AJAP1: variants seen among roughly 807,000 people sequenced by gnomAD.
AJAP1 encodes the protein adherens junctions associated protein 1, also known as adherens junction-associated protein 1.
In AJAP1, 5 loss-of-function variants were observed where a neutral mutation model predicts 35.0. The observed-to-expected ratio is 0.14, with a 90% CI of 0.07 to 0.30. The LOEUF (loss-of-function observed/expected upper bound fraction) is 0.30. Among genes scored for constraint, AJAP1 ranks in the 10% least tolerant of loss-of-function variants. AJAP1 has a pLI of 1.00. For synonymous variants in AJAP1, 284 were observed against 249.3 expected, an observed-to-expected ratio of 1.14 and a Z score of -1.31; for missense variants, 586 against 571.0, an observed-to-expected ratio of 1.03 and a Z score of -0.27.
chr1:4,663,952 C>T (rs1639059746), intron 1 of AJAP1, among the ~76,000 whole-genome samples: 1 of 152,136 alleles, frequency 6.6e-6, no homozygotes, highest in Admixed American at 6.5e-5. Flanking sequence ...CAGGTTCTTT[C>T]TCATAAACAC....
chr1:4,749,655 GTGCACAGAGGGA>G (rs1641277264), intron 2 of AJAP1, among the ~76,000 whole-genome samples: 1 of 152,254 alleles, frequency 6.6e-6, no homozygotes, highest in Non-Finnish European at 1.5e-5. Flanking sequence ...ACCGGGAGCT[GTGCACAGAGGGA>G]CACAGTGACC....
At chr1:4,714,546 G>A (rs542461938) in intron 2 of AJAP1, among the ~76,000 whole-genome samples, 14 of 152,306 alleles carry the variant, frequency 9.2e-5, no homozygotes, top group Admixed American at 2.6e-4. Flanking sequence ...CCGGGACAGC[G>A]TTGTAGGCTT....
At chr1:4,660,481 A>T (rs1638978145) in intron 1 of AJAP1, among the ~76,000 whole-genome samples, 1 of 151,446 alleles carries the variant, frequency 6.6e-6, no homozygotes, top group Non-Finnish European at 1.5e-5. Context: ...AATCTCGGTG[A>T]GGGGTACACA....
At chr1:4,711,837 C>T (rs1048762844) in intron 1 of AJAP1, 63 bp from the exon 2 acceptor site, 84 of 1,327,366 alleles carry the variant, frequency 6.3e-5, no homozygotes, top group Non-Finnish European at 8.0e-5. Context: ...GAGAGGGCCC[C>T]GGGGCCCAGT....
rs186852749 is a variant in AJAP1, at chr1:4,713,971, C to T, written c.829+1272C>T. On this transcript the variant is annotated intron_variant, in intron 2 of 5. Transcript: ENST00000378191. ...GGCCCTCTGCGTCCTCACTAGACTG[C>T]GTCCTGGCCCTGGTTCCTCCTCATC... Among the ~76,000 whole-genome samples, 5 of 152,320 alleles carry T rather than the reference C, an allele frequency of 3.3e-5. No individual in the cohort carries two copies. In the East Asian group the frequency reaches 9.7e-4, roughly 29 times the overall value.
chr1:4,738,229 A>G (rs1159140221), intron 2 of AJAP1, among the ~76,000 whole-genome samples: 2 of 152,248 alleles, frequency 1.3e-5, no homozygotes, highest in African/African-American at 4.8e-5. Flanking sequence ...GATCAACACA[A>G]CAGGGGCCCT....
chr1:4,781,747 C>T (rs1456438281), intron 5 of AJAP1, among the ~76,000 whole-genome samples: 1 of 152,224 alleles, frequency 6.6e-6, no homozygotes, highest in Non-Finnish European at 1.5e-5. Flanking sequence ...CCAGATGGGA[C>T]CGTGACGTGT....
intron 2 of AJAP1, among the ~76,000 whole-genome samples, chr1:4,765,430 C>A (rs1280661788): frequency 5.3e-5 from 8 of 151,408 alleles, no homozygotes; most frequent in Admixed American, 5.3e-4. Context: ...TAATAGCCAC[C>A]AGAGACTTGA....
chr1:4,758,256 C>T (rs992064269), intron 2 of AJAP1, among the ~76,000 whole-genome samples: 1 of 152,102 alleles, frequency 6.6e-6, no homozygotes, highest in African/African-American at 2.4e-5. Flanking sequence ...AATCATGTCT[C>T]CTTGGGAGAC....
intron 2 of AJAP1, among the ~76,000 whole-genome samples, chr1:4,764,377 T>A (rs905090067): frequency 1.3e-5 from 2 of 152,184 alleles, no homozygotes; most frequent in African/African-American, 4.8e-5. Flanking sequence ...GGTGAGCAAC[T>A]GACTCAGACG....
rs546971055 is a variant in AJAP1 at position 4,712,389 on chromosome 1, G to T, written c.519G>T (p.Arg173=). ...GLSSFDSRGS[R]PTTETEFIAW... is the part of the protein sequence containing the mutation. ...GCAGCTTCGACTCCAGAGGCAGCCG[G>T]CCCACCACAGAGACTGAGTTCATCG... The change falls in exon 2 of 6, where the codon CGG becomes CGT. Residue 173 remains arginine, a synonymous_variant. Coordinates refer to ENST00000378191, the MANE Select transcript of AJAP1 (RefSeq NM_018836.4). 3.2e-6 allele frequency: 5 copies of T among 1,562,892 alleles called. No homozygotes were observed. In the East Asian group the frequency reaches 7.0e-5, roughly 22 times the overall value.
rs563772883 is a variant in AJAP1 at position 4,730,742 on chromosome 1, G to A, written c.829+18043G>A. 1.1e-4 allele frequency among the ~76,000 whole-genome samples: 16 copies of A among 152,214 alleles called. No homozygotes were observed. In the East Asian group the frequency reaches 2.9e-3, roughly 28 times the overall value. ...TTGAGCCACATCTGGGCCCTGCCTG[G>A]GCCAGCATTTCTTGAGCTGTGAGTG... On this transcript the variant is annotated intron_variant, in intron 2 of 5. Transcript: ENST00000378191.
intron 1 of AJAP1, among the ~76,000 whole-genome samples, chr1:4,669,414 A>G (rs1639203430): frequency 6.6e-6 from 1 of 152,198 alleles, no homozygotes; most frequent in Admixed American, 6.5e-5. Context: ...CAAACTTACA[A>G]TCATGGCAGA....
rs191829924 is a variant in AJAP1, at chr1:4,667,564, G to A, written c.29+12110G>A. Among the ~76,000 whole-genome samples the A allele has an allele frequency of 4.1e-3, 624 of 152,306 alleles. 3 individuals are homozygous for A. The highest frequency in any genetic ancestry group is 0.014 in the African/African-American group (601 of 41,562). On this transcript the variant is annotated intron_variant, in intron 1 of 5. Coordinates refer to ENST00000378191, the MANE Select transcript of AJAP1 (RefSeq NM_018836.4). ...ACAACCTAGATCCCTCACATACATGGTTCACAGTAGGGTTAGTGCCCCTGG... is the reference window on the plus strand; with the variant it reads ...ACAACCTAGATCCCTCACATACATGATTCACAGTAGGGTTAGTGCCCCTGG...
chr1:4,776,966 C>T (rs1641953461), intron 5 of AJAP1, among the ~76,000 whole-genome samples: 1 of 152,232 alleles, frequency 6.6e-6, no homozygotes, highest in African/African-American at 2.4e-5. Flanking sequence ...TCCTGGTGGC[C>T]TCCTGAAGTA....
intron 5 of AJAP1, among the ~76,000 whole-genome samples, chr1:4,779,982 T>C (rs1326709048): frequency 3.3e-5 from 5 of 151,558 alleles, no homozygotes; most frequent in Non-Finnish European, 7.4e-5. Flanking sequence ...CCATCTCTAC[T>C]AAAAATACAA....
Position 4,712,586 on chromosome 1 carries a change from C to A in AJAP1, c.716C>A (p.Ser239Tyr), listed in dbSNP as rs767292910. ...MTLQTKGFTESLDPRRRIPGG... is the reference protein window; with the variant it reads ...MTLQTKGFTEYLDPRRRIPGG... ...CTGCAGACTAAGGGGTTCACCGAGT[C>A]CTTGGATCCCCGGAGAAGGATCCCA... The change falls in exon 2 of 6, where the codon TCC becomes TAC. Residue 239 changes from serine to tyrosine, a missense_variant. Coordinates refer to ENST00000378191, the MANE Select transcript of AJAP1 (RefSeq NM_018836.4). 1 of 1,606,508 alleles carries A rather than the reference C, an allele frequency of 6.2e-7. No individual in the cohort carries two copies. Among genetic ancestry groups the A allele is most frequent in the South Asian group, 1.1e-5 (1 of 89,946 alleles).
intron 2 of AJAP1, among the ~76,000 whole-genome samples, chr1:4,732,545 G>A (rs1394324954): frequency 1.3e-5 from 2 of 152,260 alleles, no homozygotes; most frequent in African/African-American, 2.4e-5. Context: ...TCCTTCGGGG[G>A]CCCCCAGAAT....
At chr1:4,689,867 G>A (rs921981517) in intron 1 of AJAP1, among the ~76,000 whole-genome samples, 5 of 152,212 alleles carry the variant, frequency 3.3e-5, no homozygotes, top group African/African-American at 1.2e-4. Context: ...GAGGGGATGA[G>A]AGCCTGGAGG....
Sources: allele counts gnomAD v4.1 joint callset (sites outside exome capture counted in the v4.1 genomes callset), GRCh38; gene constraint gnomAD v4.1.1; transcripts MANE v1.5; gene names NCBI Gene and HGNC (gene_info 2026-07-23, HGNC 2026-07-21).